ANKRD28: variants seen among roughly 807,000 people sequenced by gnomAD.
The protein encoded by ANKRD28 is serine/threonine-protein phosphatase 6 regulatory ankyrin repeat subunit A.
Under a neutral mutation model 126.5 loss-of-function variants are expected in ANKRD28, and 44 were observed. That is an observed-to-expected ratio of 0.35 (90% CI 0.27 to 0.45). The LOEUF (loss-of-function observed/expected upper bound fraction) is 0.45. Ranked by LOEUF, ANKRD28 falls within the 20% of genes least tolerant of loss-of-function variation. ANKRD28 has a pLI of 1.00. For missense variants in ANKRD28, 1,110 were observed against 1,316.6 expected, an observed-to-expected ratio of 0.84 and a Z score of 2.43; for synonymous variants, 442 against 468.5, an observed-to-expected ratio of 0.94 and a Z score of 0.73.
intron 8 of ANKRD28, among the ~76,000 whole-genome samples, chr3:15,715,896 G>A (rs2072950545): frequency 1.3e-5 from 2 of 152,090 alleles, no homozygotes; most frequent in Admixed American, 1.3e-4. Flanking sequence ...GGGCAAAAAA[G>A]CATCTTGGCA....
upstream of ANKRD28, among the ~76,000 whole-genome samples, chr3:15,802,930 T>TA (rs2060493085): frequency 2.0e-5 from 3 of 151,840 alleles, no homozygotes; most frequent in South Asian, 6.3e-4. Context: ...TACACACAAA[T>TA]AAATACTATA....
intron 5 of ANKRD28, among the ~76,000 whole-genome samples, chr3:15,736,538 T>G (rs1233424555): frequency 6.6e-6 from 1 of 152,218 alleles, no homozygotes; most frequent in Non-Finnish European, 1.5e-5. Flanking sequence ...TCTAAATCTT[T>G]GGTGTACACA....
In ANKRD28 at chr3:15,839,359, G is replaced by A. The variant is rs1457199861; in HGVS notation, c.27+20018C>T. The stretch of plus-strand genomic sequence containing the variant: ...TGATCAGCTGTTCAGGACCTTAGCT[G>A]TAGAAGACATAACAAAAAACAACTG... On this transcript the variant is annotated intron_variant, in intron 1 of 27. Transcript: ENST00000399451. The surrounding 1 kb of genome is among the most constrained non-coding windows in gnomAD (Gnocchi z 4.3). 6.6e-6 allele frequency among the ~76,000 whole-genome samples: 1 copy of A among 152,002 alleles called. No individual in the cohort carries two copies. The highest frequency in any genetic ancestry group is 1.5e-5 in the Non-Finnish European group (1 of 68,008).
chr3:15,739,853 G>A lies in ANKRD28; in HGVS notation c.352-2620C>T, dbSNP rs76255541. Among the ~76,000 whole-genome samples, 977 of 152,242 alleles carry A rather than the reference G, an allele frequency of 6.4e-3. 12 individuals carry two copies. Among genetic ancestry groups the A allele is most frequent in the African/African-American group, 0.022 (901 of 41,528 alleles). Reference sequence around the variant, plus strand: ...CTGAAGAAATGCCCAGTCATCTATCGAATTGCTAAGGAAGTCAGCCAGCTA... The same window carrying A: ...CTGAAGAAATGCCCAGTCATCTATCAAATTGCTAAGGAAGTCAGCCAGCTA... On this transcript the variant is annotated intron_variant, in intron 4 of 27. Coordinates refer to ENST00000683139, the MANE Select transcript of ANKRD28 (RefSeq NM_001349278.2).
At chr3:15,718,722 G>A (rs891258277) in intron 8 of ANKRD28, among the ~76,000 whole-genome samples, 1 of 152,160 alleles carries the variant, frequency 6.6e-6, no homozygotes, top group East Asian at 1.9e-4. Flanking sequence ...GTAAAGTTCC[G>A]TAATTTCCAT....
At chr3:15,744,756 G>C (rs556604761) in intron 4 of ANKRD28, among the ~76,000 whole-genome samples, 1 of 152,146 alleles carries the variant, frequency 6.6e-6, no homozygotes, top group South Asian at 2.1e-4. Context: ...TCTCTGGATT[G>C]ATATCTAAGT....
intron 21 of ANKRD28, among the ~76,000 whole-genome samples, chr3:15,680,880 T>C (rs112351940): frequency 0.023 from 3,490 of 152,264 alleles, 141 homozygotes; most frequent in African/African-American, 0.079. Flanking sequence ...TTGCTCAGGC[T>C]GGTCTTGAAT....
At chr3:15,751,922 C>A in intron 3 of ANKRD28, 102 bp from the exon 4 acceptor site, 1 of 744,066 alleles carries the variant, frequency 1.3e-6, no homozygotes, top group Non-Finnish European at 2.0e-6. Flanking sequence ...GGATAAATGA[C>A]AATTGAAAAA....
At chr3:15,832,527 C>A (rs1559582677) in intron 1 of ANKRD28, among the ~76,000 whole-genome samples, 1 of 152,192 alleles carries the variant, frequency 6.6e-6, no homozygotes, top group Non-Finnish European at 1.5e-5. Flanking sequence ...GCACTTACTG[C>A]ATTGTGATGA....
At chr3:15,700,114 T>G (rs2070333291) in intron 14 of ANKRD28, among the ~76,000 whole-genome samples, 1 of 152,186 alleles carries the variant, frequency 6.6e-6, no homozygotes, top group Non-Finnish European at 1.5e-5. Flanking sequence ...AAACCATCAT[T>G]CTCAGCAAAC....
At chr3:15,735,191 G>A (rs900664898) in intron 6 of ANKRD28, among the ~76,000 whole-genome samples, 2 of 151,830 alleles carry the variant, frequency 1.3e-5, no homozygotes, top group African/African-American at 4.8e-5. Context: ...CTTTTTTTAA[G>A]GGTAAATGGA....
intron 4 of ANKRD28, chr3:15,738,747 G>C (rs1001833478): frequency 6.6e-6 from 1 of 152,296 alleles, no homozygotes; most frequent in Admixed American, 6.5e-5. Flanking sequence ...TGCTGATCAG[G>C]AGACAGAGTT....
At chr3:15,725,186 T>C (rs73819145) in intron 6 of ANKRD28, among the ~76,000 whole-genome samples, 6,368 of 152,278 alleles carry the variant, frequency 0.042, 436 homozygotes, top group African/African-American at 0.14. Context: ...TACATTGTAT[T>C]AGGTATTATA....
intron 13 of ANKRD28, 125 bp from the exon 14 acceptor site, chr3:15,708,189 T>C: frequency 2.7e-6 from 3 of 1,094,944 alleles, no homozygotes; most frequent in Non-Finnish European, 2.6e-6. Flanking sequence ...TAGACTACCA[T>C]ATACTAAGTC....
chr3:15,708,267 A>G (rs1249684416), intron 13 of ANKRD28, among the ~76,000 whole-genome samples: 1 of 152,222 alleles, frequency 6.6e-6, no homozygotes, highest in Non-Finnish European at 1.5e-5. Flanking sequence ...AGTATATGAA[A>G]TAAGATGAAA....
intron 1 of ANKRD28, among the ~76,000 whole-genome samples, chr3:15,827,436 G>A (rs1185337685): frequency 1.3e-5 from 2 of 152,152 alleles, no homozygotes; most frequent in Non-Finnish European, 2.9e-5. Context: ...CCTTAAAGGA[G>A]GAGGAAGTCC....
At chr3:15,694,959 G>T in intron 16 of ANKRD28, 146 bp from the exon 17 acceptor site, 1 of 816,474 alleles carries the variant, frequency 1.2e-6, no homozygotes. Flanking sequence ...GTATACTAAG[G>T]ACCACAGACT....
At chr3:15,795,335 T>C (rs746182660) in intron 1 of ANKRD28, 29 bp from the exon 2 acceptor site, 5 of 1,471,024 alleles carry the variant, frequency 3.4e-6, no homozygotes, top group African/African-American at 2.8e-5. Context: ...ATAAAAACAT[T>C]AGAATCATCC....
At chr3:15,741,059 TG>T (rs1358202515) in intron 4 of ANKRD28, among the ~76,000 whole-genome samples, 3 of 151,258 alleles carry the variant, frequency 2.0e-5, no homozygotes, top group African/African-American at 7.3e-5. Flanking sequence ...ATTAGCCAGG[TG>T]GGGGGGCGGG....
Sources: gnomAD v4.1 joint callset for allele counts (sites outside exome capture counted in the v4.1 genomes callset) on GRCh38, gnomAD v4.1.1 for gene constraint, Gnocchi (gnomAD v3.1) non-coding constraint, MANE v1.5 for transcripts, NCBI Gene and HGNC (gene_info 2026-07-23, HGNC 2026-07-21) for gene names.